Variants in RBFOX1 observed in about 807,000 individuals in gnomAD.
RBFOX1 encodes RNA binding protein fox-1 homolog 1.
A neutral mutation model predicts 57.7 loss-of-function variants in RBFOX1; 8 were observed. That is an observed-to-expected ratio of 0.14 (90% CI 0.08 to 0.25). The LOEUF (loss-of-function observed/expected upper bound fraction) is 0.25, where lower values mean the gene tolerates loss of function less well. Ranked by LOEUF, RBFOX1 falls within the 10% of genes least tolerant of loss-of-function variation. The pLI, the probability that RBFOX1 is intolerant of heterozygous loss-of-function variation, is 1.00. For missense variants in RBFOX1, 611 were observed against 548.5 expected (o/e 1.11, Z -1.14); for synonymous variants, 326 against 222.4 (o/e 1.47, Z -4.15).
At chr16:7,515,228 A>G (rs2076097685) in intron 4 of RBFOX1, among the ~76,000 whole-genome samples, 1 of 151,554 alleles carries the variant, frequency 6.6e-6, no homozygotes, top group Non-Finnish European at 1.5e-5. Flanking sequence ...CAGAAAAAGA[A>G]AAGATGCTAG....
chr16:6,645,869 G>T (rs1457734918), intron 2 of RBFOX1, among the ~76,000 whole-genome samples: 1 of 152,114 alleles, frequency 6.6e-6, no homozygotes. Context: ...GGGAAAGTGA[G>T]GCTAAGCAAA....
At chr16:6,082,667 T>G (rs142853529) in intron 1 of RBFOX1, among the ~76,000 whole-genome samples, 23 of 152,164 alleles carry the variant, frequency 1.5e-4, no homozygotes, top group African/African-American at 5.1e-4. Flanking sequence ...ATGATAAGCT[T>G]TGCTTTGATT....
chr16:7,694,927 G>A (rs191690509), intron 14 of RBFOX1, among the ~76,000 whole-genome samples: 8 of 152,266 alleles, frequency 5.3e-5, no homozygotes, highest in Admixed American at 3.9e-4. Flanking sequence ...CAGTATGTTA[G>A]GTTATATTTG....
At chr16:7,243,464 G>T (rs1415287513) in intron 4 of RBFOX1, among the ~76,000 whole-genome samples, 2 of 152,208 alleles carry the variant, frequency 1.3e-5, no homozygotes, top group Non-Finnish European at 2.9e-5. Context: ...TGTAGGTGAA[G>T]AAACTGAGGC....
At chr16:7,684,002 G>T (rs1308862099) in intron 14 of RBFOX1, among the ~76,000 whole-genome samples, 2 of 152,084 alleles carry the variant, frequency 1.3e-5, no homozygotes, top group Admixed American at 1.3e-4. Flanking sequence ...GTATACTATG[G>T]ATGGTAGTAT....
chr16:6,214,118 T>G (rs1368753389), intron 1 of RBFOX1, among the ~76,000 whole-genome samples: 1 of 152,168 alleles, frequency 6.6e-6, no homozygotes, highest in African/African-American at 2.4e-5. Context: ...TTGTTCCTAG[T>G]TCCTCAAATG....
At chr16:5,280,318 A>C (rs1459989290) in intron 1 of RBFOX1, among the ~76,000 whole-genome samples, 2 of 152,198 alleles carry the variant, frequency 1.3e-5, no homozygotes, top group African/African-American at 4.8e-5. Context: ...TTGTTCATTC[A>C]TCATTAGATT....
At chr16:6,627,594 A>T (rs1193017777) in intron 2 of RBFOX1, among the ~76,000 whole-genome samples, 1 of 152,162 alleles carries the variant, frequency 6.6e-6, no homozygotes, top group Non-Finnish European at 1.5e-5. Flanking sequence ...TGAACGCTAG[A>T]CTGAGAATAT....
At chr16:5,790,740 T>C (rs924096827) in intron 3 of RBFOX1, among the ~76,000 whole-genome samples, 30 of 152,180 alleles carry the variant, frequency 2.0e-4, no homozygotes, top group African/African-American at 6.8e-4. Flanking sequence ...TGCCTGGTGC[T>C]GGGTGCGTGC....
intron 1 of RBFOX1, among the ~76,000 whole-genome samples, chr16:5,428,874 A>G (rs1277048660): frequency 6.6e-6 from 1 of 152,066 alleles, no homozygotes; most frequent in African/African-American, 2.4e-5. Flanking sequence ...CTTTTTTTCC[A>G]TAGGACAGTC....
rs143244221 is a variant in RBFOX1 at position 7,236,568 on chromosome 16, C to G, written c.27+184470C>G. The stretch of plus-strand genomic sequence containing the variant: ...GTTTTGGTAATTACTGTCAGATGAA[C>G]TGATATCTCTAAGTTGAAAATGGCC... On this transcript the variant is annotated intron_variant, in intron 4 of 15. Coordinates refer to ENST00000550418, the MANE Select transcript of RBFOX1 (RefSeq NM_018723.4). Among the ~76,000 whole-genome samples the G allele has an allele frequency of 8.5e-5, 13 of 152,298 alleles. No individual in the cohort carries two copies. In the East Asian group the frequency reaches 2.3e-3, roughly 27 times the overall value.
chr16:7,615,074 C>T (rs1360051348), intron 10 of RBFOX1: 2 of 152,494 alleles, frequency 1.3e-5, no homozygotes, highest in African/African-American at 4.8e-5. Context: ...TGGCTCACGC[C>T]TGTAATCCCA....
At chr16:7,050,419 C>T (rs184114270) in intron 3 of RBFOX1, among the ~76,000 whole-genome samples, 52 of 152,102 alleles carry the variant, frequency 3.4e-4, no homozygotes, top group African/African-American at 1.2e-3. Flanking sequence ...ATGCCCACCA[C>T]CATGCCCAGC....
intron 2 of RBFOX1, among the ~76,000 whole-genome samples, chr16:6,429,080 A>G (rs1043644925): frequency 3.3e-5 from 5 of 152,194 alleles, no homozygotes; most frequent in Non-Finnish European, 5.9e-5. Context: ...TTAGGCAGGC[A>G]TCCTTGTGTG....
At chr16:7,028,797 C>T (rs1031798985) in intron 3 of RBFOX1, among the ~76,000 whole-genome samples, 1 of 151,088 alleles carries the variant, frequency 6.6e-6, no homozygotes, top group African/African-American at 2.4e-5. Flanking sequence ...AACATCCAAA[C>T]ATTGGCGATC....
At chr16:5,885,440 G>A (rs975864659) in intron 4 of RBFOX1, among the ~76,000 whole-genome samples, 2 of 151,988 alleles carry the variant, frequency 1.3e-5, no homozygotes, top group Non-Finnish European at 2.9e-5. Context: ...GTTAAGAAAA[G>A]CATCACAAAA....
chr16:7,417,431 T>C (rs1369903389), intron 4 of RBFOX1, among the ~76,000 whole-genome samples: 1 of 149,522 alleles, frequency 6.7e-6, no homozygotes, highest in Non-Finnish European at 1.5e-5. Context: ...TCCCCAGTGG[T>C]AACATCTTAT....
intron 3 of RBFOX1, among the ~76,000 whole-genome samples, chr16:6,693,002 C>A (rs1349565630): frequency 1.3e-5 from 2 of 151,966 alleles, no homozygotes; most frequent in East Asian, 1.9e-4. Flanking sequence ...TCCTCCACTA[C>A]CATCACAACC....
intron 4 of RBFOX1, among the ~76,000 whole-genome samples, chr16:5,943,156 C>T (rs939968054): frequency 6.6e-6 from 1 of 152,228 alleles, no homozygotes; most frequent in African/African-American, 2.4e-5. Context: ...CAGATCAGCA[C>T]CTCCATATGC....
Sources: gnomAD v4.1 joint callset for allele counts (sites outside exome capture counted in the v4.1 genomes callset) on GRCh38, gnomAD v4.1.1 for gene constraint, MANE v1.5 for transcripts, NCBI Gene and HGNC (gene_info 2026-07-23, HGNC 2026-07-21) for gene names.